Variants in CSE1L observed in about 807,000 individuals in gnomAD.
The protein encoded by CSE1L is exportin-2.
Under a neutral mutation model 120.4 loss-of-function variants are expected in CSE1L, and 24 were observed. The ratio of observed to expected loss-of-function variants is 0.20; its 90% CI spans 0.14 to 0.28. The LOEUF is 0.28. CSE1L is among the 10% of genes least tolerant of loss of function. The pLI is 1.00. For synonymous variants in CSE1L, 402 were observed against 398.3 expected, an observed-to-expected ratio of 1.01 and a Z score of -0.11; for missense variants, 830 against 1,145.2, an observed-to-expected ratio of 0.72 and a Z score of 3.97.
chr20:49,076,255 T>G (rs769076792), intron 12 of CSE1L, among the ~76,000 whole-genome samples: 1 of 152,256 alleles, frequency 6.6e-6, no homozygotes, highest in Non-Finnish European at 1.5e-5. Context: ...TGGCACGATC[T>G]TGGCTCACCG....
intron 16 of CSE1L, 40 bp downstream of exon 16, chr20:49,085,426 T>C: frequency 6.9e-7 from 1 of 1,455,852 alleles, no homozygotes. Context: ...AGGTATCCAA[T>C]CTCAGATTGT....
At chr20:49,060,463 A>C (rs1439067469) in intron 2 of CSE1L, among the ~76,000 whole-genome samples, 1 of 146,312 alleles carries the variant, frequency 6.8e-6, no homozygotes, top group African/African-American at 2.5e-5. Context: ...GTGACAGAGC[A>C]AGACTCCGTC....
Position 49,070,260 on chromosome 20 carries a change from C to T in CSE1L, c.731C>T (p.Thr244Ile), listed in dbSNP as rs1306796889. Residue 244 changes from threonine to isoleucine, a missense_variant, in exon 8 of 25, where the codon ACT (threonine) becomes ATT (isoleucine). This residue lies in a region of CSE1L where 543 missense variants were observed against 640.2 expected (regional missense o/e 0.85). Coordinates refer to ENST00000262982, the MANE Select transcript of CSE1L (RefSeq NM_001316.4). ...NMETWMNNFH[T>I]LLTLDNKLLQ... ...GAAACTTGGATGAATAATTTTCATA[C>T]TCTCTTAACATTGGATAATAAGCTT... 1.4e-6 allele frequency: 2 copies of T among 1,466,790 alleles called. No homozygotes were observed. Among genetic ancestry groups the T allele is most frequent in the Non-Finnish European group, 1.9e-6 (2 of 1,064,520 alleles). 90.9% of individuals were successfully genotyped at this position (1,466,790 alleles called of 1,614,324 possible). A position where few individuals can be genotyped will look rare whatever the true frequency, so the allele number is the denominator to read the frequency against.
intron 1 of CSE1L, among the ~76,000 whole-genome samples, chr20:49,052,119 C>T (rs2091770535): frequency 6.6e-6 from 1 of 152,196 alleles, no homozygotes; most frequent in African/African-American, 2.4e-5. Context: ...TATGTTGGGG[C>T]TGCTAATGAT....
chr20:49,086,136 T>G (rs2092055319), intron 16 of CSE1L, among the ~76,000 whole-genome samples: 1 of 152,144 alleles, frequency 6.6e-6, no homozygotes, highest in Admixed American at 6.5e-5. Flanking sequence ...TTGAGTGTCC[T>G]GGTGCCAGCT....
At chr20:49,051,006 C>A (rs1057102091) in intron 1 of CSE1L, among the ~76,000 whole-genome samples, 1 of 152,182 alleles carries the variant, frequency 6.6e-6, no homozygotes, top group Non-Finnish European at 1.5e-5. Context: ...AAATATATAA[C>A]GGGTGCTCAT....
chr20:49,072,246 T>G (rs935786203), intron 8 of CSE1L, 40 bp from the exon 9 acceptor site: 74 of 1,601,930 alleles, frequency 4.6e-5, no homozygotes, highest in Non-Finnish European at 6.2e-5. Flanking sequence ...ATGTTAGCAT[T>G]AGAGTTGTAT....
At chr20:49,096,055 C>T (rs1389476364) in intron 24 of CSE1L, 1 of 523,598 alleles carries the variant, frequency 1.9e-6, no homozygotes, top group Admixed American at 3.0e-5. Context: ...AAGTCTTAGA[C>T]ATCATACGTT....
chr20:49,075,417 C>A lies in CSE1L; in HGVS notation c.1232C>A (p.Ser411Tyr). The change falls in exon 12 of 25, where the codon TCC becomes TAC. Residue 411 changes from serine to tyrosine, a missense_variant. Ser to Tyr is a moderately radical substitution (Grantham distance 144). Coordinates refer to ENST00000262982, the MANE Select transcript of CSE1L (RefSeq NM_001316.4). ...GGAATCTTCTCTGGTTATGTTAATT[C>A]CATGCTGCAGGAATACGCAAAAAAT... ...VTGIFSGYVN[S>Y]MLQEYAKNPS... The A allele has an allele frequency of 6.2e-7, 1 of 1,613,936 alleles. No individual in the cohort carries two copies. Among genetic ancestry groups the A allele is most frequent in the Non-Finnish European group, 8.5e-7 (1 of 1,179,958 alleles).
At chr20:49,095,005 T>C (rs755546288) in intron 24 of CSE1L, 42 bp downstream of exon 24, 8 of 1,483,080 alleles carry the variant, frequency 5.4e-6, no homozygotes, top group Admixed American at 5.2e-5. Context: ...ATGGAGACTT[T>C]AATGGGAGGG....
intron 1 of CSE1L, among the ~76,000 whole-genome samples, chr20:49,052,873 C>T (rs979804761): frequency 2.0e-5 from 3 of 152,200 alleles, no homozygotes; most frequent in African/African-American, 7.2e-5. Flanking sequence ...AGGCGGCAGC[C>T]ACTGCACCTG....
chr20:49,060,871 T>C (rs2091847215), intron 2 of CSE1L, among the ~76,000 whole-genome samples: 1 of 152,172 alleles, frequency 6.6e-6, no homozygotes, highest in South Asian at 2.1e-4. Context: ...ATATGGGCCA[T>C]ATTAAAATGC....
In CSE1L at chr20:49,068,755, C is replaced by T; in HGVS notation, c.608C>T (p.Ser203Phe). 6.2e-7 allele frequency: 1 copy of T among 1,614,072 alleles called. No individual in the cohort carries two copies. The highest frequency in any genetic ancestry group is 8.5e-7 in the Non-Finnish European group (1 of 1,179,914). ...TGCAGTACCCATGCAAATGATGCCT[C>T]TGCCCTGAGGATTCTGTTTTCTTCC... ...ELCSTHANDA[S>F]ALRILFSSLI... Residue 203 changes from serine (S) to phenylalanine (F), a missense_variant, in exon 7 of 25, where the codon TCT becomes TTT. Coordinates refer to ENST00000262982, the MANE Select transcript of CSE1L (RefSeq NM_001316.4).
intron 19 of CSE1L, 139 bp downstream of exon 19, chr20:49,089,885 T>C (rs1600549044): frequency 1.4e-6 from 1 of 735,898 alleles, no homozygotes; most frequent in East Asian, 2.7e-5. Context: ...TGGGAGCCTC[T>C]AGTGGGAGGA....
In CSE1L at chr20:49,070,174, CAA is replaced by C. The variant is rs767629204; in HGVS notation, c.676-28_676-27del. ...AAAGTGGTGTTCTTAATATTTTAAT[CAA>C]AAGTTTCAAGTCAGTGTTTATTCTG... On this transcript the variant is annotated intron_variant, in intron 7 of 24. Transcript: ENST00000262982. 8.6e-6 allele frequency: 9 copies of C among 1,045,842 alleles called. No individual in the cohort carries two copies. The South Asian group carries it at 1.4e-4, about 16-fold the overall frequency. The allele number at this position is 1,045,842 out of a possible 1,614,324, so 64.8% of individuals were successfully genotyped here.
chr20:49,064,684 G>C (rs1248179476), intron 3 of CSE1L, among the ~76,000 whole-genome samples: 2 of 152,118 alleles, frequency 1.3e-5, no homozygotes, highest in African/African-American at 4.8e-5. Context: ...CTGCACTTCA[G>C]CTTGGGCAAC....
rs975121257 is a variant in CSE1L at position 49,091,905 on chromosome 20, T to G, written c.2366-141T>G. 259 of 615,920 alleles carry G rather than the reference T, an allele frequency of 4.2e-4. 1 individual carries two copies. The highest frequency in any genetic ancestry group is 6.1e-4 in the Non-Finnish European group (213 of 346,388). The allele number at this position is 615,920 out of a possible 1,614,324, so 38.2% of individuals were successfully genotyped here. A position where few individuals can be genotyped will look rare whatever the true frequency, so the allele number is the denominator to read the frequency against. On this transcript the variant is annotated intron_variant, in intron 21 of 24. Coordinates refer to ENST00000262982, the MANE Select transcript of CSE1L (RefSeq NM_001316.4). ...AAAGGTCTATGACAGAAAGACAAGTTTTCTATTTACTAGAAGGCAGGTATT... is the reference window on the plus strand; with the variant it reads ...AAAGGTCTATGACAGAAAGACAAGTGTTCTATTTACTAGAAGGCAGGTATT...
intron 2 of CSE1L, among the ~76,000 whole-genome samples, chr20:49,060,160 G>A (rs1341799782): frequency 3.4e-5 from 5 of 147,914 alleles, no homozygotes; most frequent in Non-Finnish European, 7.4e-5. Flanking sequence ...ACTCTAGCCT[G>A]GGTGACAGAG....
chr20:49,074,218 T>TGTGTGTGTGG, intron 10 of CSE1L, among the ~76,000 whole-genome samples: 1 of 56,954 alleles, frequency 1.8e-5, no homozygotes, highest in South Asian at 9.5e-4. Flanking sequence ...TGTGTGTGTG[T>TGTGTGTGTGG]AGACTTTTTT....
Sources: allele counts gnomAD v4.1 joint callset (sites outside exome capture counted in the v4.1 genomes callset), GRCh38; gene constraint gnomAD v4.1.1; regional missense constraint gnomAD v4.1.1; transcripts MANE v1.5; gene names NCBI Gene and HGNC (gene_info 2026-07-23, HGNC 2026-07-21).